ITPR1: variants seen among roughly 807,000 people sequenced by gnomAD.
ITPR1 encodes inositol 1,4,5-trisphosphate receptor type 1.
Under a neutral mutation model 318.4 loss-of-function variants are expected in ITPR1, and 96 were observed. The ratio of observed to expected loss-of-function variants is 0.30; its 90% CI spans 0.26 to 0.36. ITPR1 has a LOEUF of 0.36. ITPR1 is among the 10% of genes least tolerant of loss of function. The pLI is 1.00. For missense variants in ITPR1, 2,440 were observed against 3,460.2 expected, an observed-to-expected ratio of 0.71 and a Z score of 7.40; for synonymous variants, 1,312 against 1,289.9, an observed-to-expected ratio of 1.02 and a Z score of -0.37.
chr3:4,559,495 A>T (rs1181185117), intron 4 of ITPR1, among the ~76,000 whole-genome samples: 8 of 152,210 alleles, frequency 5.3e-5, no homozygotes, highest in African/African-American at 1.7e-4. Context: ...AAATTTAAAC[A>T]TCTCAAATGC....
intron 4 of ITPR1, among the ~76,000 whole-genome samples, chr3:4,610,055 C>T (rs1015782839): frequency 4.6e-5 from 7 of 152,128 alleles, no homozygotes; most frequent in African/African-American, 1.7e-4. Flanking sequence ...GCCCACTGCA[C>T]AGAAAATTCA....
At position 4,657,288 on chromosome 3, in the gene ITPR1, A is replaced by T. The variant is rs868429249; in HGVS notation, c.997-836A>T. On this transcript the variant is annotated intron_variant, in intron 12 of 61. Transcript: ENST00000649015. ...TATATCATATTGTGAGTAGACAATT[A>T]TCACTGTAGATGAATCCAGCTGCCC... 2.0e-5 allele frequency among the ~76,000 whole-genome samples: 3 copies of T among 152,014 alleles called. No homozygotes were observed. In the South Asian group the frequency reaches 6.2e-4, roughly 31 times the overall value.
At chr3:4,735,038 A>C in intron 43 of ITPR1, 126 bp from the exon 44 acceptor site, 1 of 717,028 alleles carries the variant, frequency 1.4e-6, no homozygotes, top group African/African-American at 1.8e-5. Context: ...TTGTGGGATT[A>C]AAAGGGTTAA....
At chr3:4,497,163 T>C (rs893810781) in intron 2 of ITPR1, among the ~76,000 whole-genome samples, 9 of 152,196 alleles carry the variant, frequency 5.9e-5, no homozygotes, top group Admixed American at 6.5e-5. Context: ...ACTTCTATGA[T>C]TCCTTACAAT....
intron 4 of ITPR1, among the ~76,000 whole-genome samples, chr3:4,606,005 A>G (rs1250986509): frequency 6.6e-6 from 1 of 152,206 alleles, no homozygotes; most frequent in African/African-American, 2.4e-5. Flanking sequence ...TAATTGGATC[A>G]TTACCATTTG....
At chr3:4,603,391 A>T (rs4685776) in intron 4 of ITPR1, among the ~76,000 whole-genome samples, 1 of 152,016 alleles carries the variant, frequency 6.6e-6, no homozygotes, top group Non-Finnish European at 1.5e-5. Context: ...TCCCTGGTCC[A>T]TATGTACCAC....
intron 12 of ITPR1, among the ~76,000 whole-genome samples, chr3:4,656,449 G>C (rs1382790474): frequency 6.6e-6 from 1 of 152,188 alleles, no homozygotes; most frequent in Non-Finnish European, 1.5e-5. Context: ...TTCTGTCACT[G>C]TCCAGGTAAT....
chr3:4,745,071 TTC>T (rs1346707681), intron 44 of ITPR1, among the ~76,000 whole-genome samples: 4 of 150,318 alleles, frequency 2.7e-5, no homozygotes, highest in African/African-American at 9.8e-5. Flanking sequence ...TTTCTGTGTT[TTC>T]TTTCTTTCTC....
At chr3:4,676,924 C>T (rs1197766478) in intron 24 of ITPR1, 123 bp downstream of exon 24, 1 of 680,744 alleles carries the variant, frequency 1.5e-6, no homozygotes, top group East Asian at 2.8e-5. Context: ...ATCCTTAGCT[C>T]ATCCCTCCGT....
At chr3:4,672,500 G>A (rs907828998) in intron 20 of ITPR1, among the ~76,000 whole-genome samples, 4 of 152,174 alleles carry the variant, frequency 2.6e-5, no homozygotes, top group Non-Finnish European at 5.9e-5. Flanking sequence ...TTTCAAGTAT[G>A]TTTACTCTTT....
At chr3:4,810,735 G>A (rs900314333) in intron 55 of ITPR1, among the ~76,000 whole-genome samples, 1 of 152,178 alleles carries the variant, frequency 6.6e-6, no homozygotes, top group Non-Finnish European at 1.5e-5. Flanking sequence ...CAGAGGGGAT[G>A]AGGAAAGTGC....
chr3:4,661,655 T>G (rs996200621), intron 14 of ITPR1, among the ~76,000 whole-genome samples: 5 of 152,324 alleles, frequency 3.3e-5, no homozygotes, highest in African/African-American at 9.6e-5. Flanking sequence ...GTTATTGAAA[T>G]TTTTTACTTC....
At chr3:4,528,957 A>G (rs934667889) in intron 4 of ITPR1, among the ~76,000 whole-genome samples, 3 of 152,232 alleles carry the variant, frequency 2.0e-5, no homozygotes, top group Non-Finnish European at 2.9e-5. Flanking sequence ...CCTGGGCAAC[A>G]TAGAATGTTC....
At chr3:4,690,422 A>G (rs567578455) in intron 31 of ITPR1, among the ~76,000 whole-genome samples, 192 of 152,362 alleles carry the variant, frequency 1.3e-3, no homozygotes, top group African/African-American at 4.2e-3. Context: ...ATGTTTAGCC[A>G]CAATAAGATG....
intron 2 of ITPR1, among the ~76,000 whole-genome samples, chr3:4,512,259 C>A (rs1022660236): frequency 1.3e-5 from 2 of 152,140 alleles, no homozygotes; most frequent in Admixed American, 6.5e-5. Context: ...AGCCACCGTG[C>A]CTGGTTTAGG....
At chr3:4,498,295 C>T (rs1327406251) in intron 2 of ITPR1, among the ~76,000 whole-genome samples, 1 of 152,184 alleles carries the variant, frequency 6.6e-6, no homozygotes, top group Non-Finnish European at 1.5e-5. Context: ...CATGACATCT[C>T]AGCACAGATC....
At chr3:4,694,736 A>G (rs1311801661) in intron 33 of ITPR1, among the ~76,000 whole-genome samples, 1 of 152,188 alleles carries the variant, frequency 6.6e-6, no homozygotes, top group Non-Finnish European at 1.5e-5. Flanking sequence ...GGGTATTATA[A>G]TCTTATGGGT....
chr3:4,544,937 G>A (rs1307611136), intron 4 of ITPR1, among the ~76,000 whole-genome samples: 2 of 152,114 alleles, frequency 1.3e-5, no homozygotes, highest in Non-Finnish European at 1.5e-5. Context: ...GGGACTATAG[G>A]TGTGTGCCAC....
At chr3:4,693,427 T>G (rs2094509955) in intron 32 of ITPR1, 63 bp from the exon 33 acceptor site, 1 of 1,565,334 alleles carries the variant, frequency 6.4e-7, no homozygotes, top group South Asian at 1.2e-5. Context: ...TGTGAATAGA[T>G]TTTTTTCATG....
Sources: allele counts gnomAD v4.1 joint callset (sites outside exome capture counted in the v4.1 genomes callset), GRCh38; gene constraint gnomAD v4.1.1; transcripts MANE v1.5; gene names NCBI Gene and HGNC (gene_info 2026-07-23, HGNC 2026-07-21).